CFAP36: variants seen among roughly 807,000 people sequenced by gnomAD.
CFAP36 encodes the protein cilia- and flagella-associated protein 36.
Under a neutral mutation model 50.5 loss-of-function variants are expected in CFAP36, and 37 were observed. That is an observed-to-expected ratio of 0.73 (90% CI 0.56 to 0.96). The LOEUF is 0.96. Ranked by LOEUF, CFAP36 falls within the 50% of genes least tolerant of loss-of-function variation. The pLI is 0.00. For synonymous variants in CFAP36, 138 were observed against 128.2 expected (o/e 1.08, Z -0.52); for missense variants, 407 against 396.2 (o/e 1.03, Z -0.23).
At chr2:55,520,024 C>T in intron 1 of CFAP36, 108 bp downstream of exon 1, 1 of 964,818 alleles carries the variant, frequency 1.0e-6, no homozygotes, top group East Asian at 2.6e-5. Context: ...CCCCCTGTCT[C>T]CACCCCTGTC....
intron 1 of CFAP36, 59 bp downstream of exon 1, chr2:55,519,975 A>AG: frequency 1.3e-6 from 2 of 1,521,912 alleles, no homozygotes; most frequent in South Asian, 1.1e-5. Flanking sequence ...AGCGGCGGGC[A>AG]GGGGGTTGGT....
At chr2:55,529,915 G>A (rs150496392) in intron 4 of CFAP36, among the ~76,000 whole-genome samples, 361 of 152,266 alleles carry the variant, frequency 2.4e-3, no homozygotes, top group African/African-American at 7.8e-3. Flanking sequence ...CAACGTGGCC[G>A]GAAGCAGTGG....
rs760650899 is a variant in CFAP36 at position 55,537,586 on chromosome 2, G to T, written c.640+1G>T. The T allele has an allele frequency of 1.9e-6, 3 of 1,595,846 alleles. No individual in the cohort carries two copies. Among genetic ancestry groups the T allele is most frequent in the Non-Finnish European group, 2.6e-6 (3 of 1,166,802 alleles). ...GAACATTTTGCACACCCACCCTCAG[G>T]TAAGGTTGAGGTGTACTGAACTTTC... On this transcript the variant is annotated splice_donor_variant, in intron 7 of 9. Coordinates refer to ENST00000349456, the MANE Select transcript of CFAP36 (RefSeq NM_080667.7). LOFTEE classifies it high-confidence loss of function.
At chr2:55,531,752 G>C (rs1023084326) in intron 4 of CFAP36, among the ~76,000 whole-genome samples, 2 of 152,140 alleles carry the variant, frequency 1.3e-5, no homozygotes, top group African/African-American at 4.8e-5. Context: ...GATTAGGATT[G>C]GGGTCACTTG....
intron 7 of CFAP36, 109 bp downstream of exon 7, chr2:55,537,694 T>C: frequency 1.4e-6 from 1 of 710,464 alleles, no homozygotes; most frequent in Non-Finnish European, 2.3e-6. Context: ...TGGGAGGGAG[T>C]ATTGAATGTC....
chr2:55,529,015 C>CT, intron 4 of CFAP36, 23 bp downstream of exon 4: 2 of 1,525,656 alleles, frequency 1.3e-6, no homozygotes, highest in Non-Finnish European at 1.8e-6. Context: ...AGTTAGAAAT[C>CT]TAAGTACTAA....
intron 6 of CFAP36, 125 bp downstream of exon 6, chr2:55,535,888 T>C (rs1399093101): frequency 2.1e-6 from 3 of 1,409,718 alleles, no homozygotes; most frequent in Admixed American, 3.2e-5. Context: ...AATGTAAATA[T>C]TGACCAATAA....
At chr2:55,520,451 G>T in intron 1 of CFAP36, 1 of 1,548,244 alleles carries the variant, frequency 6.5e-7, no homozygotes, top group Non-Finnish European at 8.7e-7. Context: ...GCCCAGAGCC[G>T]GTGATTTTGG....
chr2:55,530,297 C>A (rs942800690), intron 4 of CFAP36, among the ~76,000 whole-genome samples: 2 of 152,164 alleles, frequency 1.3e-5, no homozygotes, highest in African/African-American at 4.8e-5. Context: ...TGAGGCTTCC[C>A]CAGCCATGTG....
At chr2:55,538,888 T>C (rs541349967) in intron 7 of CFAP36, 1 of 1,480,354 alleles carries the variant, frequency 6.8e-7, no homozygotes, top group African/African-American at 1.4e-5. Flanking sequence ...AGAACTTCTA[T>C]AATTGAGATT....
In CFAP36 at chr2:55,523,714, T is replaced by G; in HGVS notation, c.181-7T>G. On this transcript the variant is annotated splice_region_variant and splice_polypyrimidine_tract_variant and intron_variant, in intron 2 of 9. Transcript: ENST00000349456. ...GTAATTATAAAAGTTAAACTTTGTT[T>G]TTTTAGGTTGAAAAGCTGTTAGAAG... 1 of 1,566,834 alleles carries G rather than the reference T, an allele frequency of 6.4e-7. No homozygotes were observed. Among genetic ancestry groups the G allele is most frequent in the East Asian group, 2.3e-5 (1 of 44,262 alleles).
intron 3 of CFAP36, among the ~76,000 whole-genome samples, chr2:55,526,124 T>G (rs1684201916): frequency 6.6e-6 from 1 of 152,260 alleles, no homozygotes; most frequent in Non-Finnish European, 1.5e-5. Context: ...GAATTCAATC[T>G]ACTTAACTAG....
intron 9 of CFAP36, 36 bp downstream of exon 9, chr2:55,544,405 C>G (rs1242759155): frequency 1.7e-5 from 26 of 1,572,130 alleles, no homozygotes; most frequent in Non-Finnish European, 2.1e-5. Context: ...ATTTACAAAT[C>G]TGGTGGTGGA....
intron 3 of CFAP36, among the ~76,000 whole-genome samples, chr2:55,528,111 C>T (rs1684257352): frequency 6.6e-6 from 1 of 151,474 alleles, no homozygotes; most frequent in Non-Finnish European, 1.5e-5. Context: ...CCTCAGCCTC[C>T]CAAAGTGCTG....
At chr2:55,520,406 T>C in intron 1 of CFAP36, 1 of 1,539,912 alleles carries the variant, frequency 6.5e-7, no homozygotes. Context: ...AACCAACAGT[T>C]AACTGCAAAG....
intron 1 of CFAP36, among the ~76,000 whole-genome samples, 191 bp from the exon 2 acceptor site, chr2:55,521,911 T>G (rs1293701357): frequency 6.6e-6 from 1 of 152,184 alleles, no homozygotes; most frequent in African/African-American, 2.4e-5. Context: ...ATTACAGGCA[T>G]GAGCCACAGT....
At chr2:55,531,716 C>G (rs1475285247) in intron 4 of CFAP36, among the ~76,000 whole-genome samples, 1 of 152,188 alleles carries the variant, frequency 6.6e-6, no homozygotes, top group South Asian at 2.1e-4. Context: ...CATGGAAACC[C>G]TCCAGTTTTT....
chr2:55,528,816 G>A (rs1684277277), intron 3 of CFAP36, 62 bp from the exon 4 acceptor site: 3 of 941,128 alleles, frequency 3.2e-6, no homozygotes, highest in South Asian at 1.6e-5. Flanking sequence ...GAAATGGTTC[G>A]AATGTATGGG....
intron 1 of CFAP36, among the ~76,000 whole-genome samples, chr2:55,521,466 A>G (rs979983361): frequency 3.3e-5 from 5 of 152,134 alleles, no homozygotes; most frequent in Non-Finnish European, 5.9e-5. Context: ...ATAATATTAC[A>G]TTAAAAGTTA....
Sources: gnomAD v4.1 joint callset for allele counts (sites outside exome capture counted in the v4.1 genomes callset) on GRCh38, gnomAD v4.1.1 for gene constraint, MANE v1.5 for transcripts, NCBI Gene and HGNC (gene_info 2026-07-23, HGNC 2026-07-21) for gene names.